The following CAMTA1 variants were observed in gnomAD, a reference collection of about 807,000 sequenced individuals.
The protein encoded by CAMTA1 is calmodulin binding transcription activator 1, also known as calmodulin-binding transcription activator 1.
A neutral mutation model predicts 170.9 loss-of-function variants in CAMTA1; 27 were observed. The ratio of observed to expected loss-of-function variants is 0.16; its 90% confidence interval spans 0.12 to 0.22. The LOEUF is 0.22. Among genes scored for constraint, CAMTA1 ranks in the 10% least tolerant of loss-of-function variants. CAMTA1 has a pLI of 1.00. For missense variants in CAMTA1, 1,619 were observed against 2,217.2 expected, an observed-to-expected ratio of 0.73 and a Z score of 5.42; for synonymous variants, 833 against 891.5, an observed-to-expected ratio of 0.93 and a Z score of 1.17.
At chr1:7,434,091 C>T (rs1312302020) in intron 5 of CAMTA1, among the ~76,000 whole-genome samples, 1 of 152,122 alleles carries the variant, frequency 6.6e-6, no homozygotes, top group Non-Finnish European at 1.5e-5. Context: ...ATCCCTTCCT[C>T]CTCCTGGAGA....
chr1:7,752,242 A>ATACACACC (rs970895642), intron 20 of CAMTA1, among the ~76,000 whole-genome samples: 3 of 152,166 alleles, frequency 2.0e-5, no homozygotes, highest in African/African-American at 7.2e-5. Flanking sequence ...GAGAGCGCCT[A>ATACACACC]TACACACCCT....
At position 7,352,305 on chromosome 1, in the gene CAMTA1, G is replaced by A. The variant is rs537848809; in HGVS notation, c.438+102679G>A. On this transcript the variant is annotated intron_variant, in intron 5 of 22. Coordinates refer to ENST00000303635, the MANE Select transcript of CAMTA1 (RefSeq NM_015215.4). ...CTTCCTGGGTCCTTTCCAAAGGGGC[G>A]TCACTTTTGTCATCTGGGAGGTGAC... is the stretch of plus-strand genomic sequence containing the variant. Among the ~76,000 whole-genome samples the A allele has an allele frequency of 2.4e-4, 37 of 152,258 alleles. 1 individual carries two copies. In the Middle Eastern group the frequency reaches 0.024, roughly 98 times the overall value.
chr1:7,391,224 T>C (rs2088674711), intron 5 of CAMTA1, among the ~76,000 whole-genome samples: 1 of 152,132 alleles, frequency 6.6e-6, no homozygotes, highest in African/African-American at 2.4e-5. Context: ...CTCCAACTCC[T>C]GACCTCAGGT....
At chr1:7,066,353 G>A (rs1366226918) in intron 3 of CAMTA1, among the ~76,000 whole-genome samples, 1 of 152,232 alleles carries the variant, frequency 6.6e-6, no homozygotes, top group Non-Finnish European at 1.5e-5. Flanking sequence ...GATCTACAGT[G>A]TGGGACAAGG....
chr1:7,703,328 G>C lies in CAMTA1; in HGVS notation c.2914+25595G>C, dbSNP rs534705031. Among the ~76,000 whole-genome samples, 42 of 152,294 alleles carry C rather than the reference G, an allele frequency of 2.8e-4. No individual in the cohort carries two copies. The East Asian group carries it at 7.7e-3, about 28-fold the overall frequency. ...CCGGGGGGCGGGCGAGGGGTAGACA[G>C]GTGCAGTGGGAATACTGACCTAGAG... On this transcript the variant is annotated intron_variant, in intron 11 of 22. Coordinates refer to ENST00000303635, the MANE Select transcript of CAMTA1 (RefSeq NM_015215.4).
chr1:6,864,506 C>CT (rs1384268982), intron 3 of CAMTA1, among the ~76,000 whole-genome samples: 1 of 152,182 alleles, frequency 6.6e-6, no homozygotes, highest in Non-Finnish European at 1.5e-5. Context: ...TAGACACAGT[C>CT]TGCCAGGCCT....
chr1:7,100,683 G>T (rs1377967573), intron 4 of CAMTA1, among the ~76,000 whole-genome samples: 3 of 152,172 alleles, frequency 2.0e-5, no homozygotes, highest in Admixed American at 2.0e-4. Context: ...AAGCCCCGGC[G>T]CTGGCCTCCT....
chr1:7,281,841 GTGTA>G (rs1671564345), intron 5 of CAMTA1, among the ~76,000 whole-genome samples: 1 of 131,206 alleles, frequency 7.6e-6, no homozygotes, highest in Non-Finnish European at 1.7e-5. Flanking sequence ...GTGTGTGTGT[GTGTA>G]TGATTAATGA....
intron 4 of CAMTA1, among the ~76,000 whole-genome samples, chr1:7,104,846 T>C (rs191009999): frequency 6.6e-6 from 1 of 152,192 alleles, no homozygotes. Flanking sequence ...ATGGAGAGAC[T>C]GCATGGGGGG....
intron 5 of CAMTA1, among the ~76,000 whole-genome samples, chr1:7,375,713 T>C (rs1464223901): frequency 6.6e-6 from 1 of 152,236 alleles, no homozygotes; most frequent in Non-Finnish European, 1.5e-5. Context: ...CAGTAAATAC[T>C]GGGGCCTCGA....
intron 5 of CAMTA1, among the ~76,000 whole-genome samples, chr1:7,453,108 G>A (rs188474099): frequency 5.9e-5 from 9 of 152,368 alleles, no homozygotes; most frequent in Admixed American, 5.2e-4. Context: ...GACCCTAGGG[G>A]AAGCTTTGGA....
Position 7,421,277 on chromosome 1 carries a change from C to T in CAMTA1, c.439-46553C>T, listed in dbSNP as rs548324704. Among the ~76,000 whole-genome samples, 126 of 152,042 alleles carry T rather than the reference C, an allele frequency of 8.3e-4. 1 individual carries two copies. Among genetic ancestry groups the T allele is most frequent in the African/African-American group, 2.7e-3 (111 of 41,442 alleles). ...AAGCAATTCTCCTGCCTCAGCCTCC[C>T]GAGTAGCTGGGATTACAGGCGCCCG... On this transcript the variant is annotated intron_variant, in intron 5 of 22. Transcript: ENST00000303635.
chr1:7,192,430 A>G (rs1411401910), intron 4 of CAMTA1, among the ~76,000 whole-genome samples: 7 of 152,226 alleles, frequency 4.6e-5, no homozygotes, highest in South Asian at 4.1e-4. Context: ...GGCAATCCCA[A>G]TGTGAGAAGG....
At chr1:7,502,627 TG>T (rs1293888517) in intron 6 of CAMTA1, among the ~76,000 whole-genome samples, 2 of 151,614 alleles carry the variant, frequency 1.3e-5, no homozygotes, top group African/African-American at 4.8e-5. Flanking sequence ...GGTCGAGGAG[TG>T]GGGGGGCCTC....
At chr1:7,467,134 G>A (rs1005534236) in intron 5 of CAMTA1, among the ~76,000 whole-genome samples, 3 of 152,094 alleles carry the variant, frequency 2.0e-5, no homozygotes, top group Admixed American at 6.5e-5. Context: ...GAGCCATCCC[G>A]ACCCACAGTC....
At chr1:7,441,378 T>A (rs1393603902) in intron 5 of CAMTA1, 5 of 152,220 alleles carry the variant, frequency 3.3e-5, no homozygotes, top group African/African-American at 1.2e-4. Flanking sequence ...AAGTGTCTGC[T>A]GTACGCACCG....
At chr1:7,152,722 C>A (rs558937250) in intron 4 of CAMTA1, among the ~76,000 whole-genome samples, 2 of 152,322 alleles carry the variant, frequency 1.3e-5, no homozygotes, top group African/African-American at 4.8e-5. Flanking sequence ...GAGACTCTTT[C>A]CCCCTGGAAG....
chr1:7,507,781 G>A (rs1458641085), intron 6 of CAMTA1, among the ~76,000 whole-genome samples: 1 of 152,210 alleles, frequency 6.6e-6, no homozygotes, highest in Non-Finnish European at 1.5e-5. Context: ...CACCTGCAAA[G>A]GGAGTCCAAG....
intron 3 of CAMTA1, among the ~76,000 whole-genome samples, chr1:6,994,085 G>A (rs936783070): frequency 2.0e-5 from 3 of 151,970 alleles, no homozygotes; most frequent in African/African-American, 4.8e-5. Flanking sequence ...TAAATTATAA[G>A]AATCTTGCAA....
Sources: gnomAD v4.1 joint callset for allele counts (sites outside exome capture counted in the v4.1 genomes callset) on GRCh38, gnomAD v4.1.1 for gene constraint, MANE v1.5 for transcripts, NCBI Gene and HGNC (gene_info 2026-07-23, HGNC 2026-07-21) for gene names.